The following SSBP2 variants were observed in gnomAD, a reference collection of about 807,000 sequenced individuals.
SSBP2 encodes the protein single-stranded DNA-binding protein 2.
In SSBP2, 17 loss-of-function variants were observed where a neutral mutation model predicts 61.8. That is an observed-to-expected ratio of 0.28 (90% CI 0.19 to 0.41). The LOEUF (loss-of-function observed/expected upper bound fraction) is 0.41. Ranked by LOEUF, SSBP2 falls within the 10% of genes least tolerant of loss-of-function variation. SSBP2 has a pLI of 1.00. For missense variants in SSBP2, 310 were observed against 458.7 expected, an observed-to-expected ratio of 0.68 and a Z score of 2.96; for synonymous variants, 139 against 141.3, an observed-to-expected ratio of 0.98 and a Z score of 0.12.
At chr5:81,626,503 A>G (rs918556250) in intron 3 of SSBP2, among the ~76,000 whole-genome samples, 5 of 152,196 alleles carry the variant, frequency 3.3e-5, no homozygotes, top group Admixed American at 3.3e-4. Flanking sequence ...TGGTTTTAAG[A>G]GTTCTTAATG....
At chr5:81,702,165 G>A (rs1029450315) in intron 1 of SSBP2, among the ~76,000 whole-genome samples, 18 of 152,170 alleles carry the variant, frequency 1.2e-4, no homozygotes, top group African/African-American at 4.3e-4. Context: ...GAGGTCAGGA[G>A]ATCAAGACCA....
chr5:81,544,739 C>CT (rs1561524259), intron 4 of SSBP2, among the ~76,000 whole-genome samples: 1 of 152,144 alleles, frequency 6.6e-6, no homozygotes, highest in Non-Finnish European at 1.5e-5. Flanking sequence ...ATGGTAGAGA[C>CT]TGGATGCTCA....
chr5:81,572,551 A>G (rs990916760), intron 4 of SSBP2, among the ~76,000 whole-genome samples: 1 of 152,204 alleles, frequency 6.6e-6, no homozygotes, highest in Non-Finnish European at 1.5e-5. Context: ...GCTCATTGGT[A>G]TTAAGAATAT....
chr5:81,750,985 C>A lies in SSBP2; in HGVS notation c.58G>T (p.Glu20Ter), dbSNP rs764915808. 6.3e-7 allele frequency: 1 copy of A among 1,595,780 alleles called. No homozygotes were observed. The highest frequency in any genetic ancestry group is 1.7e-5 in the Admixed American group (1 of 57,684). ...GTGAGAAGCGGAGACACTTACTTCT[C>A]CCGGGCCTGGCTGTCGGACGGGACG... Residue 20 changes from glutamate to a stop codon, truncating the protein, a stop_gained, in exon 1 of 17, where the codon GAG becomes TAG. Coordinates refer to ENST00000320672, the MANE Select transcript of SSBP2 (RefSeq NM_012446.5). LOFTEE classifies it high-confidence loss of function.
chr5:81,679,615 GA>G (rs1238763269), intron 1 of SSBP2, among the ~76,000 whole-genome samples: 2 of 152,078 alleles, frequency 1.3e-5, no homozygotes, highest in Non-Finnish European at 2.9e-5. Flanking sequence ...TAAAAAAGGA[GA>G]AAAATGGAAT....
chr5:81,622,872 C>T (rs547575123), intron 3 of SSBP2, among the ~76,000 whole-genome samples: 5 of 152,044 alleles, frequency 3.3e-5, no homozygotes, highest in South Asian at 2.1e-4. Context: ...TTACCTTCAG[C>T]GGGGAAAAAC....
chr5:81,672,573 CTT>C (rs765466355), intron 1 of SSBP2, among the ~76,000 whole-genome samples: 15 of 138,598 alleles, frequency 1.1e-4, no homozygotes, highest in Admixed American at 2.9e-4. Context: ...GATACTTTTT[CTT>C]TTTTTTTTTT....
At chr5:81,586,242 C>A (rs924252337) in intron 4 of SSBP2, among the ~76,000 whole-genome samples, 7 of 152,142 alleles carry the variant, frequency 4.6e-5, no homozygotes, top group African/African-American at 1.7e-4. Flanking sequence ...AATGACTGTA[C>A]TAATTTTCAT....
chr5:81,626,165 C>T (rs1747119684), intron 3 of SSBP2, among the ~76,000 whole-genome samples: 2 of 152,112 alleles, frequency 1.3e-5, no homozygotes, highest in Admixed American at 1.3e-4. Flanking sequence ...AATATTATTC[C>T]CTAGCATTAC....
At chr5:81,514,947 G>A (rs1183671603) in intron 4 of SSBP2, among the ~76,000 whole-genome samples, 1 of 151,864 alleles carries the variant, frequency 6.6e-6, no homozygotes, top group African/African-American at 2.4e-5. Flanking sequence ...GAATATAAAA[G>A]AAGAAATAGT....
At chr5:81,706,705 T>C (rs1399271117) in intron 1 of SSBP2, among the ~76,000 whole-genome samples, 1 of 152,192 alleles carries the variant, frequency 6.6e-6, no homozygotes, top group Non-Finnish European at 1.5e-5. Context: ...AGTAACGAGT[T>C]CCTTGTCTAC....
chr5:81,446,108 T>A (rs889088606), intron 12 of SSBP2, among the ~76,000 whole-genome samples: 8 of 152,176 alleles, frequency 5.3e-5, no homozygotes, highest in Non-Finnish European at 1.2e-4. Context: ...TCTACATAAA[T>A]CTTGGGTTGT....
At chr5:81,743,196 C>G (rs1757145217) in intron 1 of SSBP2, among the ~76,000 whole-genome samples, 1 of 152,174 alleles carries the variant, frequency 6.6e-6, no homozygotes, top group Non-Finnish European at 1.5e-5. Context: ...AAAAACAAAA[C>G]CAGGCAAGTA....
At chr5:81,488,442 T>G (rs958681508) in intron 6 of SSBP2, among the ~76,000 whole-genome samples, 1 of 152,118 alleles carries the variant, frequency 6.6e-6, no homozygotes, top group Non-Finnish European at 1.5e-5. Flanking sequence ...TATCTCATTG[T>G]GATTTTGATT....
At chr5:81,540,284 T>C (rs1771160511) in intron 4 of SSBP2, among the ~76,000 whole-genome samples, 1 of 152,134 alleles carries the variant, frequency 6.6e-6, no homozygotes, top group Non-Finnish European at 1.5e-5. Context: ...GGACAAATGG[T>C]ATTTCTGGTT....
At chr5:81,733,257 T>C (rs1200808761) in intron 1 of SSBP2, among the ~76,000 whole-genome samples, 1 of 152,084 alleles carries the variant, frequency 6.6e-6, no homozygotes, top group Non-Finnish European at 1.5e-5. Flanking sequence ...ATGGAAAATA[T>C]ACCTTGGAAA....
intron 4 of SSBP2, among the ~76,000 whole-genome samples, chr5:81,564,857 T>C (rs1197066749): frequency 6.6e-6 from 1 of 152,196 alleles, no homozygotes; most frequent in Non-Finnish European, 1.5e-5. Flanking sequence ...CCAGATCTTT[T>C]CACTTCAAGC....
At position 81,657,416 on chromosome 5, in the gene SSBP2, A is replaced by G. The variant is rs551191129; in HGVS notation, c.63-7077T>C. On this transcript the variant is annotated intron_variant, in intron 1 of 16. Transcript: ENST00000320672. The stretch of plus-strand genomic sequence containing the variant: ...TTAATGATATTAAGAAATGTTCATA[A>G]TTCATTGCTAAAATTAAAACTCCCC... 7.9e-5 allele frequency among the ~76,000 whole-genome samples: 12 copies of G among 152,354 alleles called. No homozygotes were observed. The South Asian group carries it at 2.5e-3, about 32-fold the overall frequency.
chr5:81,687,597 T>C (rs139192495), intron 1 of SSBP2, among the ~76,000 whole-genome samples: 69 of 152,298 alleles, frequency 4.5e-4, no homozygotes, highest in African/African-American at 1.6e-3. Flanking sequence ...TACTCCTTCC[T>C]TCCACTTGAG....
Sources: gnomAD v4.1 joint callset for allele counts (sites outside exome capture counted in the v4.1 genomes callset) on GRCh38, gnomAD v4.1.1 for gene constraint, MANE v1.5 for transcripts, NCBI Gene and HGNC (gene_info 2026-07-23, HGNC 2026-07-21) for gene names.